The following PLCB1 variants were observed in gnomAD, a reference collection of about 807,000 sequenced individuals.
The protein encoded by PLCB1 is 1-phosphatidylinositol 4,5-bisphosphate phosphodiesterase beta-1.
A neutral mutation model predicts 161.8 loss-of-function variants in PLCB1; 46 were observed. The ratio of observed to expected loss-of-function variants is 0.28; its 90% CI spans 0.22 to 0.36. PLCB1 has a LOEUF of 0.36. Ranked by LOEUF, PLCB1 falls within the 10% of genes least tolerant of loss-of-function variation. PLCB1 has a pLI of 1.00. For missense variants in PLCB1, 1,016 were observed against 1,472.5 expected (o/e 0.69, Z 5.07); for synonymous variants, 517 against 503.7 (o/e 1.03, Z -0.35).
At chr20:8,425,387 C>T (rs1266571465) in intron 3 of PLCB1, among the ~76,000 whole-genome samples, 1 of 152,086 alleles carries the variant, frequency 6.6e-6, no homozygotes, top group African/African-American at 2.4e-5. Context: ...CTTAGGTTCC[C>T]TGCCTCCAGG....
chr20:8,595,021 C>T (rs1987283709), intron 3 of PLCB1, among the ~76,000 whole-genome samples: 1 of 152,116 alleles, frequency 6.6e-6, no homozygotes, highest in East Asian at 1.9e-4. Context: ...TATATATAGA[C>T]TACATAACAT....
chr20:8,656,630 T>A (rs1367238847), intron 7 of PLCB1, among the ~76,000 whole-genome samples: 1 of 151,982 alleles, frequency 6.6e-6, no homozygotes, highest in Non-Finnish European at 1.5e-5. Flanking sequence ...ACTGGTGCTG[T>A]CCTACTTATG....
intron 3 of PLCB1, among the ~76,000 whole-genome samples, chr20:8,438,089 G>A (rs993175195): frequency 5.3e-4 from 81 of 151,904 alleles, no homozygotes; most frequent in African/African-American, 1.9e-3. Flanking sequence ...TTTATTTTGT[G>A]TGTTCTATCT....
chr20:8,830,871 A>G (rs999016091), intron 31 of PLCB1, among the ~76,000 whole-genome samples: 4 of 152,224 alleles, frequency 2.6e-5, no homozygotes, highest in African/African-American at 9.6e-5. Context: ...AAGCACACTG[A>G]TCTTCACAGG....
Position 8,349,110 on chromosome 20 carries a change from T to A in PLCB1, c.178-22272T>A, listed in dbSNP as rs546999815. Among the ~76,000 whole-genome samples, 5 of 152,210 alleles carry A rather than the reference T, an allele frequency of 3.3e-5. No homozygotes were observed. In the East Asian group the frequency reaches 9.6e-4, roughly 29 times the overall value. On this transcript the variant is annotated intron_variant, in intron 2 of 31. Coordinates refer to ENST00000338037, the MANE Select transcript of PLCB1 (RefSeq NM_015192.4). ...ACATATACATATAACAAAACAATATTAAAAACTCCATTGTGTAATAGTTCA... is the reference window on the plus strand; with the variant it reads ...ACATATACATATAACAAAACAATATAAAAAACTCCATTGTGTAATAGTTCA...
intron 2 of PLCB1, among the ~76,000 whole-genome samples, chr20:8,169,989 A>T (rs2051717321): frequency 6.6e-6 from 1 of 152,178 alleles, no homozygotes; most frequent in Non-Finnish European, 1.5e-5. Flanking sequence ...CTTCTATTAA[A>T]AGAATGGCAT....
At chr20:8,801,921 GCAAA>G in intron 31 of PLCB1, 1 of 680,408 alleles carries the variant, frequency 1.5e-6, no homozygotes, top group South Asian at 1.6e-5. Flanking sequence ...GCAGATAAAG[GCAAA>G]CAGAGGAGTT....
chr20:8,861,600 C>T (rs1487369307), intron 31 of PLCB1, among the ~76,000 whole-genome samples: 3 of 151,888 alleles, frequency 2.0e-5, no homozygotes, highest in East Asian at 3.9e-4. Flanking sequence ...CATGGTGGCG[C>T]GCGCCTGTAG....
intron 11 of PLCB1, among the ~76,000 whole-genome samples, chr20:8,703,137 G>A (rs564461293): frequency 6.6e-6 from 1 of 152,204 alleles, no homozygotes; most frequent in African/African-American, 2.4e-5. Flanking sequence ...CAAGACCTTG[G>A]AGAAGCTTCC....
At chr20:8,325,774 C>T (rs2327040) in intron 2 of PLCB1, among the ~76,000 whole-genome samples, 36,220 of 151,884 alleles carry the variant, frequency 0.24, 4,586 homozygotes, top group South Asian at 0.44. Flanking sequence ...CCTAGTTAAG[C>T]GGGAATGGGG....
chr20:8,744,196 CT>C (rs1177762770), intron 23 of PLCB1, among the ~76,000 whole-genome samples: 3 of 152,018 alleles, frequency 2.0e-5, no homozygotes, highest in Middle Eastern at 3.4e-3. Context: ...CAGAAATGTC[CT>C]TTTTCAACTG....
chr20:8,654,055 T>C (rs960210424), intron 7 of PLCB1, among the ~76,000 whole-genome samples: 4 of 152,050 alleles, frequency 2.6e-5, no homozygotes, highest in African/African-American at 9.7e-5. Flanking sequence ...ATGCATATAT[T>C]GGGGGGATCT....
intron 3 of PLCB1, among the ~76,000 whole-genome samples, chr20:8,413,329 G>A (rs1218391499): frequency 6.6e-6 from 1 of 152,148 alleles, no homozygotes; most frequent in East Asian, 1.9e-4. Context: ...GGGGTGTGCT[G>A]CCACAGGAAA....
intron 3 of PLCB1, among the ~76,000 whole-genome samples, chr20:8,414,701 G>A (rs2122523262): frequency 6.6e-6 from 1 of 152,264 alleles, no homozygotes; most frequent in Admixed American, 6.5e-5. Flanking sequence ...TGTGTTGTCT[G>A]TATAGTAGCC....
chr20:8,183,872 C>G (rs2123095620), intron 2 of PLCB1, among the ~76,000 whole-genome samples: 2 of 152,126 alleles, frequency 1.3e-5, no homozygotes, highest in Middle Eastern at 3.4e-3. Context: ...AACTCTGTAT[C>G]CTAACTAGCT....
chr20:8,728,121 T>C (rs1568575214), intron 17 of PLCB1, among the ~76,000 whole-genome samples: 1 of 152,166 alleles, frequency 6.6e-6, no homozygotes, highest in Non-Finnish European at 1.5e-5. Context: ...TCATCGTTAG[T>C]ATTCCTTATT....
chr20:8,741,741 A>T (rs570112082), intron 23 of PLCB1, among the ~76,000 whole-genome samples, 168 bp downstream of exon 23: 2 of 152,308 alleles, frequency 1.3e-5, no homozygotes, highest in Admixed American at 6.5e-5. Flanking sequence ...GATTGACTTA[A>T]ATTTTTCACA....
intron 14 of PLCB1, among the ~76,000 whole-genome samples, chr20:8,722,133 G>C (rs1309807428): frequency 7.3e-6 from 1 of 137,758 alleles, no homozygotes; most frequent in Non-Finnish European, 1.5e-5. Context: ...GAAATTTTAA[G>C]TGCTATTTAT....
At chr20:8,746,290 A>G (rs775445434) in intron 23 of PLCB1, among the ~76,000 whole-genome samples, 6 of 152,218 alleles carry the variant, frequency 3.9e-5, no homozygotes, top group Non-Finnish European at 8.8e-5. Flanking sequence ...TAATGTAATT[A>G]CAGAGATGCC....
Sources: allele counts gnomAD v4.1 joint callset (sites outside exome capture counted in the v4.1 genomes callset), GRCh38; gene constraint gnomAD v4.1.1; transcripts MANE v1.5; gene names NCBI Gene and HGNC (gene_info 2026-07-23, HGNC 2026-07-21).